HS6ST3: variants seen among roughly 807,000 people sequenced by gnomAD.
The protein encoded by HS6ST3 is heparan-sulfate 6-O-sulfotransferase 3.
HS6ST3 carries 12 observed loss-of-function variants against 36.7 expected under a neutral mutation model. The ratio of observed to expected loss-of-function variants is 0.33; its 90% CI spans 0.21 to 0.53. The LOEUF is 0.53. Among genes scored for constraint, HS6ST3 ranks in the 20% least tolerant of loss-of-function variants. HS6ST3 has a pLI of 0.95. For synonymous variants in HS6ST3, 240 were observed against 257.5 expected (o/e 0.93, Z 0.65); for missense variants, 584 against 640.9 (o/e 0.91, Z 0.96).
chr13:96,115,302 G>T (rs1310209993), intron 1 of HS6ST3, among the ~76,000 whole-genome samples: 2 of 152,054 alleles, frequency 1.3e-5, no homozygotes, highest in Non-Finnish European at 2.9e-5. Context: ...TTAAGTTTCG[G>T]GATACACGTA....
At chr13:96,523,544 G>T (rs2056102088) in intron 1 of HS6ST3, among the ~76,000 whole-genome samples, 1 of 152,020 alleles carries the variant, frequency 6.6e-6, no homozygotes, top group Non-Finnish European at 1.5e-5. Flanking sequence ...TCCCATATTT[G>T]TTGGAGTTTT....
chr13:96,443,836 T>A (rs1224147126), intron 1 of HS6ST3, among the ~76,000 whole-genome samples: 4 of 152,170 alleles, frequency 2.6e-5, no homozygotes, highest in Admixed American at 6.5e-5. Context: ...GCTTTTGGAA[T>A]CAACCTGTAG....
intron 1 of HS6ST3, among the ~76,000 whole-genome samples, chr13:96,778,383 A>G (rs1029733961): frequency 6.6e-6 from 1 of 152,242 alleles, no homozygotes; most frequent in Non-Finnish European, 1.5e-5. Context: ...CAGAGTGAAC[A>G]GGCAACCTAC....
chr13:96,669,293 A>G (rs888834300), intron 1 of HS6ST3, among the ~76,000 whole-genome samples: 8 of 152,126 alleles, frequency 5.3e-5, no homozygotes, highest in African/African-American at 1.7e-4. Context: ...GAGTGGTGGC[A>G]CTGTAGTGCA....
intron 1 of HS6ST3, among the ~76,000 whole-genome samples, chr13:96,142,488 T>A (rs1268021724): frequency 1.3e-5 from 2 of 152,188 alleles, no homozygotes; most frequent in Non-Finnish European, 2.9e-5. Flanking sequence ...CTAAGGCAGG[T>A]GTCTCAGCTC....
chr13:96,454,030 G>T (rs1404343877), intron 1 of HS6ST3, among the ~76,000 whole-genome samples: 1 of 152,046 alleles, frequency 6.6e-6, no homozygotes, highest in Non-Finnish European at 1.5e-5. Flanking sequence ...ACACAAAAGG[G>T]GAAGAATCTC....
chr13:96,519,395 C>A (rs2056084819), intron 1 of HS6ST3, among the ~76,000 whole-genome samples: 1 of 152,192 alleles, frequency 6.6e-6, no homozygotes, highest in Non-Finnish European at 1.5e-5. Context: ...GAGGTGAAGT[C>A]TTGTTTTGCT....
At chr13:96,394,058 A>G (rs556882282) in intron 1 of HS6ST3, among the ~76,000 whole-genome samples, 2 of 152,358 alleles carry the variant, frequency 1.3e-5, no homozygotes, top group South Asian at 2.1e-4. Flanking sequence ...CCAGGCAAAT[A>G]TATAGAAACC....
At chr13:96,336,867 T>G (rs1450276291) in intron 1 of HS6ST3, among the ~76,000 whole-genome samples, 1 of 152,212 alleles carries the variant, frequency 6.6e-6, no homozygotes. Context: ...GTTGGAATAT[T>G]ATAAAACTAT....
At chr13:96,674,058 C>T (rs2056690950) in intron 1 of HS6ST3, among the ~76,000 whole-genome samples, 1 of 151,962 alleles carries the variant, frequency 6.6e-6, no homozygotes, top group Non-Finnish European at 1.5e-5. Flanking sequence ...TATTTGTATC[C>T]CTACCCAATC....
At chr13:96,136,648 G>A (rs1161598551) in intron 1 of HS6ST3, among the ~76,000 whole-genome samples, 1 of 142,436 alleles carries the variant, frequency 7.0e-6, no homozygotes, top group East Asian at 2.1e-4. Flanking sequence ...ACCATATCAT[G>A]TATATTTAAG....
intron 1 of HS6ST3, among the ~76,000 whole-genome samples, chr13:96,678,975 A>G (rs2056708806): frequency 6.6e-6 from 1 of 151,854 alleles, no homozygotes; most frequent in African/African-American, 2.4e-5. Context: ...TTAAAATGTC[A>G]ACCCCAACCT....
intron 1 of HS6ST3, among the ~76,000 whole-genome samples, chr13:96,128,657 G>A (rs943804043): frequency 2.6e-5 from 4 of 152,008 alleles, no homozygotes; most frequent in African/African-American, 9.7e-5. Context: ...TGCATCTCCT[G>A]GTTCACCCCT....
intron 1 of HS6ST3, among the ~76,000 whole-genome samples, chr13:96,479,301 A>G (rs1174951476): frequency 6.6e-6 from 1 of 152,228 alleles, no homozygotes; most frequent in East Asian, 1.9e-4. Flanking sequence ...TGGTAGTTCC[A>G]GAGAAATCAG....
At chr13:96,398,206 A>G (rs1247940905) in intron 1 of HS6ST3, among the ~76,000 whole-genome samples, 1 of 152,210 alleles carries the variant, frequency 6.6e-6, no homozygotes, top group Non-Finnish European at 1.5e-5. Flanking sequence ...GTTTCTTGTC[A>G]TGGCAACTAT....
At chr13:96,231,876 C>T (rs965123231) in intron 1 of HS6ST3, among the ~76,000 whole-genome samples, 11 of 152,148 alleles carry the variant, frequency 7.2e-5, no homozygotes, top group Non-Finnish European at 1.3e-4. Flanking sequence ...AGTCTCTGTA[C>T]TGACCAGTCA....
At chr13:96,531,561 G>A (rs533396716) in intron 1 of HS6ST3, among the ~76,000 whole-genome samples, 1 of 152,148 alleles carries the variant, frequency 6.6e-6, no homozygotes, top group Non-Finnish European at 1.5e-5. Context: ...GCTCTCTGGT[G>A]CAGGTCAGCA....
intron 1 of HS6ST3, among the ~76,000 whole-genome samples, chr13:96,549,620 T>C (rs571087637): frequency 6.6e-6 from 1 of 152,226 alleles, no homozygotes. Flanking sequence ...ATATAAACTT[T>C]AGCCCAATAA....
intron 1 of HS6ST3, among the ~76,000 whole-genome samples, chr13:96,465,388 G>A (rs938007815): frequency 4.6e-5 from 7 of 152,064 alleles, no homozygotes; most frequent in Admixed American, 3.3e-4. Context: ...TCATAGAAGG[G>A]AATACTACAC....
Sources: allele counts gnomAD v4.1 joint callset (sites outside exome capture counted in the v4.1 genomes callset), GRCh38; gene constraint gnomAD v4.1.1; transcripts MANE v1.5; gene names NCBI Gene and HGNC (gene_info 2026-07-23, HGNC 2026-07-21).